Variants in ZBTB2 observed in about 807,000 individuals in gnomAD.
The protein encoded by ZBTB2 is zinc finger and BTB domain containing 2, also known as zinc finger and BTB domain-containing protein 2.
ZBTB2 carries 2 observed loss-of-function variants against 39.5 expected under a neutral mutation model. That is an observed-to-expected ratio of 0.05 (90% CI 0.02 to 0.16). The LOEUF is 0.16. Ranked by LOEUF, ZBTB2 falls within the 10% of genes least tolerant of loss-of-function variation. The pLI is 1.00. For missense variants in ZBTB2, 391 were observed against 653.0 expected, an observed-to-expected ratio of 0.60 and a Z score of 4.37; for synonymous variants, 251 against 256.6, an observed-to-expected ratio of 0.98 and a Z score of 0.21.
chr6:151,378,594 G>A (rs1300373947), intron 1 of ZBTB2, among the ~76,000 whole-genome samples: 3 of 152,154 alleles, frequency 2.0e-5, no homozygotes, highest in Non-Finnish European at 2.9e-5. Flanking sequence ...GTTATTCTCC[G>A]TAAAGTGCCA....
At chr6:151,375,496 A>T (rs1011481776) in intron 1 of ZBTB2, among the ~76,000 whole-genome samples, 3 of 152,228 alleles carry the variant, frequency 2.0e-5, no homozygotes, top group Non-Finnish European at 4.4e-5. Flanking sequence ...ATTTTTTTGT[A>T]GATATAGACA....
chr6:151,381,287 G>C (rs62441544), intron 1 of ZBTB2, among the ~76,000 whole-genome samples: 1 of 152,290 alleles, frequency 6.6e-6, no homozygotes, highest in South Asian at 2.1e-4. Context: ...TTGGGAGGCT[G>C]AGGCGGGCAG....
At chr6:151,377,071 G>A (rs931310059) in intron 1 of ZBTB2, among the ~76,000 whole-genome samples, 3 of 150,340 alleles carry the variant, frequency 2.0e-5, no homozygotes, top group Non-Finnish European at 3.0e-5. Context: ...AGTGAAAAAA[G>A]CCAATCCCAA....
chr6:151,382,169 TA>T (rs1185653488), intron 1 of ZBTB2, among the ~76,000 whole-genome samples: 1 of 152,270 alleles, frequency 6.6e-6, no homozygotes, highest in Non-Finnish European at 1.5e-5. Flanking sequence ...TATGGTATTA[TA>T]ATCTTATGGG....
chr6:151,366,958 G>A lies in ZBTB2; in HGVS notation c.174-66C>T. ...TCTAGGTGTTAACATAAAGCCTGAA[G>A]AAAAAAATGAATGCTTAAAAACAAA... On this transcript the variant is annotated intron_variant, in intron 2 of 2. Coordinates refer to ENST00000325144, the MANE Select transcript of ZBTB2 (RefSeq NM_020861.3). The surrounding 1 kb of genome is among the most constrained non-coding windows in gnomAD (Gnocchi z 7.1). The A allele has an allele frequency of 6.9e-7, 1 of 1,459,144 alleles. No individual in the cohort carries two copies. The highest frequency in any genetic ancestry group is 2.3e-5 in the Admixed American group (1 of 43,094). The allele number at this position is 1,459,144 out of a possible 1,614,324, so 90.4% of individuals were successfully genotyped here. A position where few individuals can be genotyped will look rare whatever the true frequency, so the allele number is the denominator to read the frequency against.
chr6:151,370,413 G>T (rs1201977123), intron 2 of ZBTB2, among the ~76,000 whole-genome samples: 1 of 152,168 alleles, frequency 6.6e-6, no homozygotes, highest in Non-Finnish European at 1.5e-5. Flanking sequence ...AAGCCCTTTC[G>T]TATAAACTTC....
At chr6:151,380,637 A>G (rs1303558028) in intron 1 of ZBTB2, among the ~76,000 whole-genome samples, 2 of 152,006 alleles carry the variant, frequency 1.3e-5, no homozygotes, top group Non-Finnish European at 2.9e-5. Context: ...TGGCTTACTC[A>G]GCCTCTTGGC....
intron 1 of ZBTB2, among the ~76,000 whole-genome samples, chr6:151,386,589 T>A (rs1779157651): frequency 6.6e-6 from 1 of 152,252 alleles, no homozygotes; most frequent in South Asian, 2.1e-4. Flanking sequence ...GAGTGGAGAT[T>A]GCCTTTGTTT....
intron 1 of ZBTB2, among the ~76,000 whole-genome samples, chr6:151,379,487 T>TA (rs1221947220): frequency 1.3e-5 from 2 of 151,148 alleles, no homozygotes; most frequent in Non-Finnish European, 3.0e-5. Flanking sequence ...ATAAAAAATT[T>TA]AAAAAATAGC....
chr6:151,369,359 A>T (rs1778726952), intron 2 of ZBTB2, among the ~76,000 whole-genome samples: 1 of 150,990 alleles, frequency 6.6e-6, no homozygotes, highest in African/African-American at 2.4e-5. Context: ...ATTAAAAACA[A>T]TTTTTTTTGA....
chr6:151,380,533 T>A (rs547211032), intron 1 of ZBTB2, among the ~76,000 whole-genome samples: 8 of 152,190 alleles, frequency 5.3e-5, no homozygotes, highest in Non-Finnish European at 1.2e-4. Flanking sequence ...TTTGTGGGAA[T>A]GGCTGTCTGC....
At chr6:151,373,218 A>G (rs1484425218) in intron 2 of ZBTB2, among the ~76,000 whole-genome samples, 1 of 147,228 alleles carries the variant, frequency 6.8e-6, no homozygotes, top group Non-Finnish European at 1.5e-5. Flanking sequence ...GATCCTGACC[A>G]TGCAGGTGAC....
intron 1 of ZBTB2, among the ~76,000 whole-genome samples, chr6:151,387,339 A>T (rs1489594237): frequency 6.6e-6 from 1 of 150,840 alleles, no homozygotes; most frequent in Non-Finnish European, 1.5e-5. Context: ...AATTAAGCAG[A>T]TCTTCTCAGT....
chr6:151,380,572 C>G (rs1158994514), intron 1 of ZBTB2, among the ~76,000 whole-genome samples: 2 of 152,216 alleles, frequency 1.3e-5, no homozygotes, highest in Admixed American at 1.3e-4. Flanking sequence ...AGCTCCCGCC[C>G]GGCTCTGCTC....
At chr6:151,382,795 ATCCACCCGC>A (rs1265131395) in intron 1 of ZBTB2, among the ~76,000 whole-genome samples, 7 of 151,138 alleles carry the variant, frequency 4.6e-5, no homozygotes, top group Non-Finnish European at 1.0e-4. Context: ...ACCTCAGGTG[ATCCACCCGC>A]TCGGCCTCCC....
At chr6:151,387,245 G>C (rs1177745574) in intron 1 of ZBTB2, among the ~76,000 whole-genome samples, 1 of 151,994 alleles carries the variant, frequency 6.6e-6, no homozygotes, top group Non-Finnish European at 1.5e-5. Context: ...AATATTCATT[G>C]GTCTATCCAC....
chr6:151,377,157 G>C (rs974356320), intron 1 of ZBTB2, among the ~76,000 whole-genome samples: 2 of 151,996 alleles, frequency 1.3e-5, no homozygotes, highest in African/African-American at 4.8e-5. Context: ...TTAGTGGTGG[G>C]GGGGGTGTGG....
Position 151,366,593 on chromosome 6 carries a change from T to A in ZBTB2, c.473A>T (p.Asp158Val). ...IASAPEKLGR[D>V]PRPQTSRISQ... ...TATCCTGGAGGTCTGTGGCCGTGGA[T>A]CTCGCCCGAGTTTTTCAGGTGCTGA... Residue 158 changes from aspartate to valine, a missense_variant, in exon 3 of 3, where the codon GAT (aspartate) becomes GTT (valine). Physicochemically the swap from Asp to Val is radical, Grantham distance 152. This residue lies in a region of ZBTB2 where 175 missense variants were observed against 198.6 expected (regional missense o/e 0.88). Transcript: ENST00000325144. The surrounding 1 kb of genome is among the most constrained non-coding windows in gnomAD (Gnocchi z 7.1). 3 of 1,613,970 alleles carry A rather than the reference T, an allele frequency of 1.9e-6. No homozygotes were observed. Among genetic ancestry groups the A allele is most frequent in the Non-Finnish European group, 2.5e-6 (3 of 1,180,008 alleles).
intron 1 of ZBTB2, among the ~76,000 whole-genome samples, chr6:151,390,187 A>C (rs952967393): frequency 2.0e-5 from 3 of 151,762 alleles, no homozygotes; most frequent in Admixed American, 6.5e-5. Flanking sequence ...CCCGGCCTGC[A>C]GCCTCAGCGA....
Sources: allele counts gnomAD v4.1 joint callset (sites outside exome capture counted in the v4.1 genomes callset), GRCh38; gene constraint gnomAD v4.1.1; regional missense constraint gnomAD v4.1.1; non-coding constraint Gnocchi (gnomAD v3.1); transcripts MANE v1.5; gene names NCBI Gene and HGNC (gene_info 2026-07-23, HGNC 2026-07-21).